CFAP251: variants seen among roughly 807,000 people sequenced by gnomAD.
The protein encoded by CFAP251 is cilia and flagella associated protein 251.
A neutral mutation model predicts 126.7 loss-of-function variants in CFAP251; 93 were observed. The observed-to-expected ratio is 0.73, with a 90% confidence interval of 0.62 to 0.87. The LOEUF (loss-of-function observed/expected upper bound fraction) is 0.87. Ranked by LOEUF, CFAP251 falls within the 40% of genes least tolerant of loss-of-function variation. The pLI, the probability that CFAP251 is intolerant of heterozygous loss-of-function variation, is 0.00. For synonymous variants in CFAP251, 503 were observed against 506.9 expected (o/e 0.99, Z 0.10); for missense variants, 1,287 against 1,389.2 (o/e 0.93, Z 1.17).
Position 121,959,468 on chromosome 12 carries a change from G to A in CFAP251, c.2133+374G>A, listed in dbSNP as rs746398902. The A allele has an allele frequency of 7.8e-5, 13 of 165,912 alleles. No individual in the cohort carries two copies. In the East Asian group the frequency reaches 1.7e-3, roughly 22 times the overall value. 10.3% of individuals were successfully genotyped at this position (165,912 alleles called of 1,614,324 possible). ...TCGCTAAACTCCTGTCCCTTCCGGC[G>A]CTCTCCATCCCCACACTGGTGCGGC... On this transcript the variant is annotated intron_variant, in intron 13 of 21. Transcript: ENST00000288912.
intron 21 of CFAP251, chr12:122,001,960 C>T (rs933032356): frequency 3.5e-5 from 9 of 256,910 alleles, no homozygotes; most frequent in Admixed American, 8.6e-5. Context: ...CCATGGCTCA[C>T]GCCTGTAATT....
In CFAP251 at chr12:121,934,234, T is replaced by A; in HGVS notation, c.889-13T>A. 1 of 1,610,110 alleles carries A rather than the reference T, an allele frequency of 6.2e-7. No individual in the cohort carries two copies. Among genetic ancestry groups the A allele is most frequent in the South Asian group, 1.1e-5 (1 of 90,666 alleles). On this transcript the variant is annotated splice_polypyrimidine_tract_variant and intron_variant, in intron 4 of 21. Coordinates refer to ENST00000288912, the MANE Select transcript of CFAP251 (RefSeq NM_144668.6). Reference sequence around the variant, plus strand: ...CTTGGATGTTTCAAAGCGTTTTCTCTCCATTTCCATAGGGCCACGCCAATA... The same window carrying A: ...CTTGGATGTTTCAAAGCGTTTTCTCACCATTTCCATAGGGCCACGCCAATA...
chr12:121,943,057 TA>T, intron 7 of CFAP251, 82 bp downstream of exon 7: 1 of 1,460,504 alleles, frequency 6.8e-7, no homozygotes, highest in Non-Finnish European at 9.6e-7. Flanking sequence ...CTCACACCTG[TA>T]ATCCCAGAAC....
At chr12:121,962,542 C>A (rs1881975231) in intron 15 of CFAP251, among the ~76,000 whole-genome samples, 1 of 152,136 alleles carries the variant, frequency 6.6e-6, no homozygotes, top group South Asian at 2.1e-4. Flanking sequence ...TTTGTTTACA[C>A]CCTGCGTGAG....
At chr12:121,967,150 C>CA in intron 16 of CFAP251, 81 bp downstream of exon 16, 1 of 1,353,208 alleles carries the variant, frequency 7.4e-7, no homozygotes, top group Non-Finnish European at 1.0e-6. Context: ...TCACGAGACT[C>CA]AGAGAGTTCT....
rs185057566 is a variant in CFAP251 at position 122,001,479 on chromosome 12, T to G, written c.3236-18T>G. On this transcript the variant is annotated intron_variant, in intron 20 of 21. Coordinates refer to ENST00000288912, the MANE Select transcript of CFAP251 (RefSeq NM_144668.6). ...CCTCAAGAGTTAAACAATCACCTTC[T>G]CACTCTTTGACACACAGGTGAGCAT... 2 of 1,605,546 alleles carry G rather than the reference T, an allele frequency of 1.2e-6. No homozygotes were observed. Among genetic ancestry groups the G allele is most frequent in the Admixed American group, 3.3e-5 (2 of 59,996 alleles).
chr12:121,957,379 A>T (rs1451099783), intron 11 of CFAP251, 111 bp downstream of exon 11: 1 of 1,109,656 alleles, frequency 9.0e-7, no homozygotes, highest in Non-Finnish European at 1.3e-6. Context: ...TCCCTGGCTG[A>T]TTGTGATAAC....
rs1015150641 is a variant in CFAP251 at position 121,949,056 on chromosome 12, G to C, written c.1264G>C (p.Ala422Pro). 3 of 1,572,900 alleles carry C rather than the reference G, an allele frequency of 1.9e-6. No individual in the cohort carries two copies. The highest frequency in any genetic ancestry group is 2.6e-6 in the Non-Finnish European group (3 of 1,157,282). Residue 422 changes from alanine to proline, a missense_variant, in exon 8 of 22, where the codon GCA becomes CCA. By Grantham distance (27) the Ala-to-Pro change is conservative. Transcript: ENST00000288912. ...TAGTAAAACACGGGCAATATATTAT[G>C]CATGGGTAAGCAGAAATATTTTGAT... ...SNSKTRAIYY[A>P]WYEERDTLAH...
intron 19 of CFAP251, among the ~76,000 whole-genome samples, chr12:121,994,021 TG>T (rs754704524): frequency 0.76 from 21,245 of 27,788 alleles, 8,333 homozygotes; most frequent in Middle Eastern, 1. Context: ...GGGAGGGAGG[TG>T]GGGGGGGGGT....
At chr12:121,955,246 A>T (rs2135779156) in intron 10 of CFAP251, among the ~76,000 whole-genome samples, 1 of 152,274 alleles carries the variant, frequency 6.6e-6, no homozygotes, top group East Asian at 1.9e-4. Flanking sequence ...GTGAGCCAAG[A>T]TCTCACCACT....
intron 11 of CFAP251, 33 bp from the exon 12 acceptor site, chr12:121,958,239 A>T (rs770406170): frequency 3.7e-6 from 6 of 1,611,440 alleles, no homozygotes; most frequent in Non-Finnish European, 5.1e-6. Flanking sequence ...CCCTGCAAAC[A>T]CTGATATTGT....
intron 2 of CFAP251, among the ~76,000 whole-genome samples, chr12:121,923,063 G>A (rs188898855): frequency 0.012 from 1,873 of 152,164 alleles, 15 homozygotes; most frequent in Admixed American, 0.021. Context: ...CCAAAGTGCT[G>A]GGATTACAGG....
In CFAP251 at chr12:121,958,372, G is replaced by A. The variant is rs779662653; in HGVS notation, c.1831G>A (p.Ala611Thr). ...LFVEPKDAIC[A>T]ISCHPYQPLI... ...TGTAGAGCCCAAGGATGCCATTTGT[G>A]CCATCTCCTGCCACCCATATCAACC... is the stretch of plus-strand genomic sequence containing the variant. The change falls in exon 12 of 22, where the codon GCC becomes ACC. Residue 611 changes from alanine (A) to threonine (T), a missense_variant. Transcript: ENST00000288912. 45 of 1,614,084 alleles carry A rather than the reference G, an allele frequency of 2.8e-5. No homozygotes were observed. Among genetic ancestry groups the A allele is most frequent in the Non-Finnish European group, 3.6e-5 (43 of 1,180,044 alleles).
At position 121,960,685 on chromosome 12, in the gene CFAP251, G is replaced by A. The variant is rs759115110; in HGVS notation, c.2234G>A (p.Arg745Gln). Reference protein sequence around the residue: ...ARLRSHRKSIRSLLFGVYLDS... With the variant: ...ARLRSHRKSIQSLLFGVYLDS... Reference sequence around the variant, plus strand: ...CTTCGCTCTCATCGCAAAAGCATTCGAAGTCTCCTGTTTGGGGTTTACCTG... The same window carrying A: ...CTTCGCTCTCATCGCAAAAGCATTCAAAGTCTCCTGTTTGGGGTTTACCTG... The change falls in exon 14 of 22, where the codon CGA becomes CAA. Residue 745 changes from arginine to glutamine, a missense_variant. By Grantham distance (43) the Arg-to-Gln change is conservative. Coordinates refer to ENST00000288912, the MANE Select transcript of CFAP251 (RefSeq NM_144668.6). 8.7e-6 allele frequency: 14 copies of A among 1,613,954 alleles called. No individual in the cohort carries two copies. The highest frequency in any genetic ancestry group is 7.7e-5 in the South Asian group (7 of 91,074).
intron 14 of CFAP251, among the ~76,000 whole-genome samples, chr12:121,961,370 A>G (rs1004024609): frequency 3.1e-5 from 4 of 130,736 alleles, no homozygotes; most frequent in African/African-American, 8.9e-5. Context: ...TTCTCCATCC[A>G]TTCATCCATC....
At chr12:122,001,688 G>GCCACT (rs1593012249) in intron 21 of CFAP251, 90 bp downstream of exon 21, 2 of 990,608 alleles carry the variant, frequency 2.0e-6, no homozygotes, top group East Asian at 4.9e-5. Context: ...ATCGGTGCAA[G>GCCACT]CCACTCTCCC....
intron 7 of CFAP251, among the ~76,000 whole-genome samples, chr12:121,945,372 C>T (rs1000218592): frequency 9.9e-5 from 15 of 151,168 alleles, no homozygotes; most frequent in African/African-American, 3.6e-4. Context: ...GAGATGGAGT[C>T]TCATTCTGTT....
At chr12:121,963,896 CT>C in intron 15 of CFAP251, among the ~76,000 whole-genome samples, 1 of 152,000 alleles carries the variant, frequency 6.6e-6, no homozygotes, top group African/African-American at 2.4e-5. Flanking sequence ...CTGGTCAGCC[CT>C]GGAGGGGAGC....
intron 19 of CFAP251, among the ~76,000 whole-genome samples, chr12:121,992,884 CTTATG>C (rs1036019958): frequency 3.3e-5 from 5 of 152,136 alleles, no homozygotes; most frequent in Non-Finnish European, 4.4e-5. Flanking sequence ...TATAATTTAT[CTTATG>C]TTATGATTAC....
Sources: gnomAD v4.1 joint callset for allele counts (sites outside exome capture counted in the v4.1 genomes callset) on GRCh38, gnomAD v4.1.1 for gene constraint, MANE v1.5 for transcripts, NCBI Gene and HGNC (gene_info 2026-07-23, HGNC 2026-07-21) for gene names.